CLMN: variants seen among roughly 807,000 people sequenced by gnomAD.
CLMN encodes calmin (calponin-like, transmembrane).
CLMN carries 57 observed loss-of-function variants against 92.7 expected under a neutral mutation model. The ratio of observed to expected loss-of-function variants is 0.61; its 90% confidence interval spans 0.50 to 0.77. The LOEUF (loss-of-function observed/expected upper bound fraction) is 0.77. Ranked by LOEUF, CLMN falls within the 30% of genes least tolerant of loss-of-function variation. The probability of loss-of-function intolerance (pLI) is 0.00; values close to 1 mark genes in which losing one functional copy is unlikely to be tolerated. For synonymous variants in CLMN, 466 were observed against 470.6 expected (o/e 0.99, Z 0.13); for missense variants, 1,158 against 1,237.5 (o/e 0.94, Z 0.96).
At chr14:95,283,925 A>G (rs1442845283) in intron 1 of CLMN, among the ~76,000 whole-genome samples, 9 of 152,210 alleles carry the variant, frequency 5.9e-5, no homozygotes. Flanking sequence ...CAAGGAACCT[A>G]ATGTTAATCC....
At chr14:95,223,346 A>T (rs1386240690) in intron 3 of CLMN, among the ~76,000 whole-genome samples, 1 of 152,200 alleles carries the variant, frequency 6.6e-6, no homozygotes, top group Non-Finnish European at 1.5e-5. Flanking sequence ...AGCTGGCTCA[A>T]CTTCAGTCAT....
At chr14:95,290,616 C>A (rs1376500314) in intron 1 of CLMN, among the ~76,000 whole-genome samples, 4 of 152,166 alleles carry the variant, frequency 2.6e-5, no homozygotes, top group African/African-American at 9.7e-5. Flanking sequence ...TCTCCTGGGG[C>A]CTTCAGAAGG....
At chr14:95,292,430 C>CCCCACA (rs1900608461) in intron 1 of CLMN, among the ~76,000 whole-genome samples, 1 of 113,488 alleles carries the variant, frequency 8.8e-6, no homozygotes, top group Non-Finnish European at 1.9e-5. Flanking sequence ...CCCAAGGGTC[C>CCCCACA]CCCACCCCCA....
In CLMN at chr14:95,213,172, A is replaced by G. The variant is rs767552997; in HGVS notation, c.608+47T>C. On this transcript the variant is annotated intron_variant, in intron 6 of 12. Transcript: ENST00000298912. ...CTAATTCTCCTTTCCTCTGCCTGAAAGCAGCTAGTTAAATGAAGTAGTGTG... is the reference window on the plus strand; with the variant it reads ...CTAATTCTCCTTTCCTCTGCCTGAAGGCAGCTAGTTAAATGAAGTAGTGTG... 3 of 1,577,810 alleles carry G rather than the reference A, an allele frequency of 1.9e-6. No homozygotes were observed. The African/African-American group carries it at 4.1e-5, about 21-fold the overall frequency.
At position 95,203,473 on chromosome 14, in the gene CLMN, T is replaced by C; in HGVS notation, c.1876A>G (p.Met626Val). Residue 626 changes from methionine to valine, a missense_variant, in exon 9 of 13, where the codon ATG becomes GTG. Coordinates refer to ENST00000298912, the MANE Select transcript of CLMN (RefSeq NM_024734.4). ...KKDSPEPQVK[M>V]DKHEPHQDSG... ...TCCTGATGAGGTTCATGTTTGTCCA[T>C]CTTAACTTGAGGCTCTGGCGAATCC... The C allele has an allele frequency of 6.2e-7, 1 of 1,614,188 alleles. No individual in the cohort carries two copies. Among genetic ancestry groups the C allele is most frequent in the Non-Finnish European group, 8.5e-7 (1 of 1,180,038 alleles).
chr14:95,310,142 G>A (rs1439064895), intron 1 of CLMN, among the ~76,000 whole-genome samples: 1 of 152,206 alleles, frequency 6.6e-6, no homozygotes, highest in African/African-American at 2.4e-5. Context: ...GTGATTGGAA[G>A]CTTCCTGAGG....
intron 1 of CLMN, among the ~76,000 whole-genome samples, chr14:95,277,954 T>C (rs774604934): frequency 3.9e-5 from 6 of 152,238 alleles, no homozygotes; most frequent in Admixed American, 2.6e-4. Context: ...GATGGCAGCC[T>C]GGGTTCATTC....
At position 95,213,318 on chromosome 14, in the gene CLMN, G is replaced by A. The variant is rs758318079; in HGVS notation, c.509C>T (p.Pro170Leu). 26 of 1,613,914 alleles carry A rather than the reference G, an allele frequency of 1.6e-5. No homozygotes were observed. The East Asian group carries it at 5.8e-4, about 36-fold the overall frequency. ...SGGTDSDSSF[P>L]PTPTAERSVA... is the part of the protein sequence containing the mutation. ...GCTCCTCTCTGCAGTGGGTGTGGGTGGGAAGGATGAGTCTGAGTCTGTGCC... is the reference window on the plus strand; with the variant it reads ...GCTCCTCTCTGCAGTGGGTGTGGGTAGGAAGGATGAGTCTGAGTCTGTGCC... Residue 170 changes from proline to leucine, a missense_variant, in exon 6 of 13, where the codon CCA (proline) becomes CTA (leucine). Transcript: ENST00000298912.
In CLMN at chr14:95,194,657, A is replaced by T; in HGVS notation, c.2709-61T>A. On this transcript the variant is annotated intron_variant, in intron 10 of 12. Coordinates refer to ENST00000298912, the MANE Select transcript of CLMN (RefSeq NM_024734.4). This position sits in a 1 kb window ranked among gnomAD's most constrained non-coding sequence, Gnocchi z 4.0. ...CTGGAGCTCTTCATGGCTCAGTTGTACGGTCACCCCCATCCTGGGGTTTCC... is the reference window on the plus strand; with the variant it reads ...CTGGAGCTCTTCATGGCTCAGTTGTTCGGTCACCCCCATCCTGGGGTTTCC... 1 of 1,518,926 alleles carries T rather than the reference A, an allele frequency of 6.6e-7. No individual in the cohort carries two copies. The highest frequency in any genetic ancestry group is 1.1e-5 in the South Asian group (1 of 89,040). The allele number at this position is 1,518,926 out of a possible 1,614,324, so 94.1% of individuals were successfully genotyped here. A position where few individuals can be genotyped will look rare whatever the true frequency, so the allele number is the denominator to read the frequency against.
At chr14:95,224,530 G>A (rs556575134) in intron 2 of CLMN, among the ~76,000 whole-genome samples, 7 of 152,106 alleles carry the variant, frequency 4.6e-5, no homozygotes, top group South Asian at 4.1e-4. Flanking sequence ...TGATCCGCCC[G>A]CCTCGGCCTC....
chr14:95,289,287 G>A (rs1595098822), intron 1 of CLMN, among the ~76,000 whole-genome samples: 1 of 152,030 alleles, frequency 6.6e-6, no homozygotes, highest in Non-Finnish European at 1.5e-5. Flanking sequence ...GTTCAGGAGT[G>A]CAAGACCAGC....
intron 7 of CLMN, among the ~76,000 whole-genome samples, chr14:95,210,035 C>T (rs1897151013): frequency 6.6e-6 from 1 of 151,734 alleles, no homozygotes; most frequent in East Asian, 2.0e-4. Context: ...CAATGTCTAC[C>T]AGTAGTGGAA....
intron 3 of CLMN, chr14:95,222,504 C>T (rs185218006): frequency 4.6e-4 from 209 of 452,840 alleles, no homozygotes; most frequent in African/African-American, 4.0e-3. Context: ...CCAGGCCACG[C>T]TCATGGGGAA....
At chr14:95,300,379 C>G (rs965161971) in intron 1 of CLMN, among the ~76,000 whole-genome samples, 3 of 152,236 alleles carry the variant, frequency 2.0e-5, no homozygotes, top group African/African-American at 7.2e-5. Flanking sequence ...AAGCAAATCA[C>G]AGACCTTTTG....
At chr14:95,290,543 C>G (rs577000795) in intron 1 of CLMN, among the ~76,000 whole-genome samples, 1 of 152,278 alleles carries the variant, frequency 6.6e-6, no homozygotes, top group African/African-American at 2.4e-5. Flanking sequence ...GATGGAGGAA[C>G]AGGCCACAAG....
intron 1 of CLMN, among the ~76,000 whole-genome samples, chr14:95,306,645 C>T (rs867569028): frequency 1.3e-5 from 2 of 152,102 alleles, no homozygotes; most frequent in Admixed American, 6.5e-5. Context: ...GCATACCCCA[C>T]GACCAACAGC....
chr14:95,287,893 G>A (rs1016811331), intron 1 of CLMN, among the ~76,000 whole-genome samples: 8 of 152,208 alleles, frequency 5.3e-5, no homozygotes, highest in Non-Finnish European at 8.8e-5. Flanking sequence ...CCAACCCACC[G>A]TAATTACTGG....
At position 95,215,524 on chromosome 14, in the gene CLMN, T is replaced by C. The variant is rs1198700562; in HGVS notation, c.417+117A>G. ...GTGCTTTTTCAGTGAGTAGAAAAGA[T>C]AAAATCTGCCATAAACTAAGCCTCA... On this transcript the variant is annotated intron_variant, in intron 5 of 12. Transcript: ENST00000298912. The C allele has an allele frequency of 6.0e-5, 48 of 805,590 alleles. No individual in the cohort carries two copies. In the East Asian group the frequency reaches 1.3e-3, roughly 21 times the overall value. 49.9% of individuals were successfully genotyped at this position (805,590 alleles called of 1,614,324 possible).
intron 1 of CLMN, among the ~76,000 whole-genome samples, chr14:95,289,470 T>A (rs1478755257): frequency 8.7e-5 from 7 of 80,388 alleles, no homozygotes; most frequent in Non-Finnish European, 1.6e-4. Context: ...TCTCAAAAAA[T>A]AAATAAATAA....
Sources: allele counts gnomAD v4.1 joint callset (sites outside exome capture counted in the v4.1 genomes callset), GRCh38; gene constraint gnomAD v4.1.1; non-coding constraint Gnocchi (gnomAD v3.1); transcripts MANE v1.5; gene names NCBI Gene and HGNC (gene_info 2026-07-23, HGNC 2026-07-21).